Variants in LINGO2 observed in about 807,000 individuals in gnomAD.
LINGO2 encodes the protein leucine rich repeat and Ig domain containing 2.
A neutral mutation model predicts 30.6 loss-of-function variants in LINGO2; 14 were observed. The observed-to-expected ratio is 0.46, with a 90% CI of 0.30 to 0.72. The LOEUF (loss-of-function observed/expected upper bound fraction) is 0.72, where lower values mean the gene tolerates loss of function less well. Among genes scored for constraint, LINGO2 ranks in the 30% least tolerant of loss-of-function variants. LINGO2 has a pLI of 0.07. For synonymous variants in LINGO2, 317 were observed against 288.5 expected, an observed-to-expected ratio of 1.10 and a Z score of -1.00; for missense variants, 729 against 751.7, an observed-to-expected ratio of 0.97 and a Z score of 0.35.
intron 2 of LINGO2, among the ~76,000 whole-genome samples, chr9:28,438,148 T>A (rs1356508315): frequency 6.6e-6 from 1 of 152,162 alleles, no homozygotes; most frequent in African/African-American, 2.4e-5. Flanking sequence ...AAAATTATCG[T>A]CCAGCTAGTC....
chr9:28,789,210 T>A, the LINGO2 span, among the ~76,000 whole-genome samples: 2 of 152,128 alleles, frequency 1.3e-5, no homozygotes, highest in Non-Finnish European at 2.9e-5. Context: ...TAAGGTCCTA[T>A]GAGTCCTTTA....
chr9:28,883,626 G>GTGTGTGTATGTA, the LINGO2 span, among the ~76,000 whole-genome samples: 5 of 25,636 alleles, frequency 2.0e-4, no homozygotes, highest in South Asian at 2.4e-3. Flanking sequence ...ATATGTGTGT[G>GTGTGTGTATGTA]TGTATATATA....
intron 3 of LINGO2, among the ~76,000 whole-genome samples, chr9:28,312,754 A>T (rs1824681333): frequency 1.3e-5 from 2 of 152,166 alleles, no homozygotes; most frequent in East Asian, 3.8e-4. Flanking sequence ...TAAAATCAGT[A>T]GTGGCTTATT....
chr9:28,038,567 C>T (rs1483698888), intron 4 of LINGO2, among the ~76,000 whole-genome samples: 1 of 152,010 alleles, frequency 6.6e-6, no homozygotes, highest in East Asian at 1.9e-4. Flanking sequence ...GTGGTGGGCG[C>T]CTGTAGTCCC....
At chr9:29,058,998 T>C in the LINGO2 span, among the ~76,000 whole-genome samples, 7 of 151,970 alleles carry the variant, frequency 4.6e-5, no homozygotes, top group Admixed American at 4.6e-4. Context: ...GTTGTAGTTC[T>C]TAATACTAGC....
chr9:28,780,637 G>T, the LINGO2 span, among the ~76,000 whole-genome samples: 1 of 152,116 alleles, frequency 6.6e-6, no homozygotes, highest in Non-Finnish European at 1.5e-5. Flanking sequence ...AGTTACAGGT[G>T]AACAGCTTCA....
intron 1 of LINGO2, among the ~76,000 whole-genome samples, chr9:28,479,292 A>G (rs966856129): frequency 1.3e-5 from 2 of 151,400 alleles, no homozygotes; most frequent in Non-Finnish European, 3.0e-5. Flanking sequence ...GGGAAATTTA[A>G]TTTTTTTTTA....
At chr9:27,980,591 C>G (rs1255266768) in intron 5 of LINGO2, among the ~76,000 whole-genome samples, 6 of 151,904 alleles carry the variant, frequency 3.9e-5, no homozygotes, top group Admixed American at 1.3e-4. Context: ...GATGTTTGCC[C>G]TGGCATTTTT....
the LINGO2 span, among the ~76,000 whole-genome samples, chr9:29,154,175 T>C: frequency 4.6e-5 from 7 of 152,252 alleles, no homozygotes; most frequent in Admixed American, 2.6e-4. Flanking sequence ...CCAGGCACGG[T>C]GGCTCACACC....
At chr9:28,134,117 T>A (rs1019476949) in intron 4 of LINGO2, among the ~76,000 whole-genome samples, 1 of 152,180 alleles carries the variant, frequency 6.6e-6, no homozygotes, top group African/African-American at 2.4e-5. Flanking sequence ...ATACATTGAC[T>A]TATCTCTTCT....
intron 3 of LINGO2, among the ~76,000 whole-genome samples, chr9:28,318,545 G>T (rs1392252666): frequency 6.6e-6 from 1 of 152,156 alleles, no homozygotes; most frequent in Non-Finnish European, 1.5e-5. Flanking sequence ...GTGATAGAAT[G>T]TGACACTTGT....
At chr9:28,959,612 T>TCTCTCACACACA in the LINGO2 span, among the ~76,000 whole-genome samples, 764 of 132,150 alleles carry the variant, frequency 5.8e-3, 11 homozygotes, top group East Asian at 0.063. Flanking sequence ...TCTCTCTCCC[T>TCTCTCACACACA]CACACACACA....
At chr9:28,292,407 T>A (rs1823763319) in intron 4 of LINGO2, among the ~76,000 whole-genome samples, 1 of 152,216 alleles carries the variant, frequency 6.6e-6, no homozygotes, top group South Asian at 2.1e-4. Context: ...ATTTCTAGTG[T>A]AATTCCATTA....
chr9:28,864,959 T>C, the LINGO2 span, among the ~76,000 whole-genome samples: 1 of 152,090 alleles, frequency 6.6e-6, no homozygotes, highest in South Asian at 2.1e-4. Context: ...ATGAAAAGTT[T>C]CCATATAGGG....
chr9:28,129,742 A>G lies in LINGO2; in HGVS notation c.-86-117337T>C, dbSNP rs1445532311. The G allele has an allele frequency of 6.6e-6, 1 of 152,238 alleles. No homozygotes were observed. The highest frequency in any genetic ancestry group is 2.4e-5 in the African/African-American group (1 of 41,474). The allele number at this position is 152,238 out of a possible 1,614,324, so 9.4% of individuals were successfully genotyped here. ...TTGCTCAAATGTACAGAAATTTGGT[A>G]TAGACATATTGCTGGTGATTTGAAA... On this transcript the variant is annotated intron_variant, in intron 4 of 5. Coordinates refer to ENST00000379992, the Ensembl canonical transcript of LINGO2. This position sits in a 1 kb window ranked among gnomAD's most constrained non-coding sequence, Gnocchi z 4.0.
At chr9:28,900,725 A>G in the LINGO2 span, among the ~76,000 whole-genome samples, 1 of 152,196 alleles carries the variant, frequency 6.6e-6, no homozygotes, top group South Asian at 2.1e-4. Context: ...ATGAGTCCCT[A>G]CTTCTTCAAA....
chr9:28,002,125 C>A (rs1208974482), intron 5 of LINGO2, among the ~76,000 whole-genome samples: 1 of 152,150 alleles, frequency 6.6e-6, no homozygotes, highest in Non-Finnish European at 1.5e-5. Flanking sequence ...AGTGTGAGCA[C>A]CAGCAACATG....
chr9:28,529,596 A>G (rs1216217793), intron 1 of LINGO2, among the ~76,000 whole-genome samples: 1 of 150,898 alleles, frequency 6.6e-6, no homozygotes, highest in East Asian at 2.0e-4. Context: ...CCAGTTGCAA[A>G]TTGCAAATAC....
chr9:28,055,759 TAAG>T (rs921732496), intron 4 of LINGO2, among the ~76,000 whole-genome samples: 3 of 152,326 alleles, frequency 2.0e-5, no homozygotes, highest in African/African-American at 7.2e-5. Flanking sequence ...CTTGGAAGTT[TAAG>T]TAGTTCAAAT....
Sources: gnomAD v4.1 joint callset for allele counts (sites outside exome capture counted in the v4.1 genomes callset) on GRCh38, gnomAD v4.1.1 for gene constraint, Gnocchi (gnomAD v3.1) non-coding constraint, MANE v1.5 for transcripts, NCBI Gene and HGNC (gene_info 2026-07-23, HGNC 2026-07-21) for gene names.